POLB: variants seen among roughly 807,000 people sequenced by gnomAD.
POLB encodes the protein DNA polymerase beta, also known as 5'-dRP lyase.
POLB carries 37 observed loss-of-function variants against 52.7 expected under a neutral mutation model. The observed-to-expected ratio is 0.70, with a 90% CI of 0.54 to 0.92. The LOEUF (loss-of-function observed/expected upper bound fraction) is 0.92, where lower values mean the gene tolerates loss of function less well. Ranked by LOEUF, POLB falls within the 40% of genes least tolerant of loss-of-function variation. The pLI is 0.00. For missense variants in POLB, 313 were observed against 400.8 expected, an observed-to-expected ratio of 0.78 and a Z score of 1.87; for synonymous variants, 138 against 131.3, an observed-to-expected ratio of 1.05 and a Z score of -0.35.
At chr8:42,371,227 G>A (rs1435602661) in intron 13 of POLB, among the ~76,000 whole-genome samples, 3 of 152,094 alleles carry the variant, frequency 2.0e-5, no homozygotes, top group Non-Finnish European at 4.4e-5. Flanking sequence ...AGGTTCAAGC[G>A]ATTCTCCTGC....
chr8:42,342,119 G>T (rs915941745), intron 2 of POLB: 10 of 1,298,114 alleles, frequency 7.7e-6, no homozygotes, highest in Middle Eastern at 2.6e-4. Flanking sequence ...GAATCATTTG[G>T]TACTTTGAGG....
chr8:42,350,011 G>A lies in POLB; in HGVS notation c.266G>A (p.Arg89Gln), dbSNP rs371956560. The A allele has an allele frequency of 8.7e-6, 14 of 1,602,160 alleles. No homozygotes were observed. The highest frequency in any genetic ancestry group is 1.1e-5 in the Non-Finnish European group (13 of 1,169,868). ...AGACTTTTTTTTTTCTTAAAGATTC[G>A]GCAGGATGATACGAGTTCATCCATC... ...TGKLRKLEKIRQDDTSSSINF... is the reference protein window; with the variant it reads ...TGKLRKLEKIQQDDTSSSINF... The change falls in exon 5 of 14, where the codon CGG becomes CAG. Residue 89 changes from arginine to glutamine, a missense_variant. By Grantham distance (43) the Arg-to-Gln change is conservative (BLOSUM62 1). Around this residue, in one of 3 missense-constraint regions of POLB, gnomAD observed 246 missense variants for 297.6 expected, o/e 0.83. Transcript: ENST00000265421.
intron 6 of POLB, 135 bp downstream of exon 6, chr8:42,352,703 G>A: frequency 1.5e-6 from 1 of 652,074 alleles, no homozygotes; most frequent in Non-Finnish European, 2.8e-6. Flanking sequence ...TTTTAACTCT[G>A]TAGTACAGTA....
At chr8:42,362,954 G>T (rs1156270849) in intron 11 of POLB, among the ~76,000 whole-genome samples, 1 of 151,630 alleles carries the variant, frequency 6.6e-6, no homozygotes. Flanking sequence ...GAGAAACCCC[G>T]TCTCTGCTAA....
At chr8:42,360,715 G>A (rs977051936) in intron 9 of POLB, among the ~76,000 whole-genome samples, 3 of 151,502 alleles carry the variant, frequency 2.0e-5, no homozygotes, top group South Asian at 2.1e-4. Context: ...TATTAATTGA[G>A]TTCAACCATA....
intron 9 of POLB, 120 bp downstream of exon 9, chr8:42,357,512 G>A (rs1823393162): frequency 3.3e-6 from 2 of 614,762 alleles, no homozygotes; most frequent in Admixed American, 3.0e-5. Context: ...CTAAGACCTA[G>A]TAGTATTAGT....
intron 9 of POLB, 118 bp downstream of exon 9, chr8:42,357,510 T>A: frequency 1.6e-6 from 1 of 616,688 alleles, no homozygotes; most frequent in Non-Finnish European, 2.9e-6. Flanking sequence ...CACTAAGACC[T>A]AGTAGTATTA....
chr8:42,339,102 G>T (rs750380688), intron 2 of POLB, 33 bp downstream of exon 2: 1 of 1,517,478 alleles, frequency 6.6e-7, no homozygotes, highest in Admixed American at 1.7e-5. Context: ...GGTAGCATAC[G>T]TTCTGGGATA....
intron 11 of POLB, among the ~76,000 whole-genome samples, chr8:42,367,419 A>G (rs775531152): frequency 1.3e-5 from 2 of 152,174 alleles, no homozygotes; most frequent in Non-Finnish European, 1.5e-5. Flanking sequence ...CTAAGCCGGT[A>G]TCTGAGGGAA....
At chr8:42,345,683 AT>A (rs763637378) in intron 3 of POLB, among the ~76,000 whole-genome samples, 1 of 152,132 alleles carries the variant, frequency 6.6e-6, no homozygotes, top group Non-Finnish European at 1.5e-5. Context: ...TCCAATGAGC[AT>A]TTCCTTTTGA....
chr8:42,355,697 G>A, intron 7 of POLB, 130 bp downstream of exon 7: 1 of 612,894 alleles, frequency 1.6e-6, no homozygotes, highest in East Asian at 2.8e-5. Context: ...GAAGTGCTAA[G>A]ATTTGTGGAC....
At chr8:42,349,189 A>G in intron 4 of POLB, 99 bp downstream of exon 4, 1 of 662,956 alleles carries the variant, frequency 1.5e-6, no homozygotes, top group Non-Finnish European at 2.7e-6. Flanking sequence ...CACTGTAGTG[A>G]GACTCACAGG....
chr8:42,357,492 C>T (rs1823392238), intron 9 of POLB, 100 bp downstream of exon 9: 2 of 705,624 alleles, frequency 2.8e-6, no homozygotes, highest in Non-Finnish European at 5.1e-6. Flanking sequence ...TGTGGTACTT[C>T]ATAGACTCAC....
chr8:42,369,454 G>A, intron 12 of POLB, 119 bp downstream of exon 12: 1 of 611,250 alleles, frequency 1.6e-6, no homozygotes, highest in Non-Finnish European at 2.9e-6. Flanking sequence ...ACTCCCAAGA[G>A]CCATATGTTC....
chr8:42,338,887 G>T, intron 1 of POLB, 125 bp from the exon 2 acceptor site: 1 of 976,382 alleles, frequency 1.0e-6, no homozygotes, highest in Non-Finnish European at 1.6e-6. Context: ...GGCTGCTTTT[G>T]GTCTGGCCCT....
chr8:42,345,499 A>C (rs1173928929), intron 3 of POLB, among the ~76,000 whole-genome samples: 1 of 152,200 alleles, frequency 6.6e-6, no homozygotes, highest in Non-Finnish European at 1.5e-5. Context: ...AATTTCCACG[A>C]AGCCTTGTGT....
Position 42,349,989 on chromosome 8 carries a change from C to CT in POLB, c.262-8dup, listed in dbSNP as rs748183535. 12,829 of 1,357,666 alleles carry CT rather than the reference C, an allele frequency of 9.4e-3. No homozygotes were observed. Among genetic ancestry groups the CT allele is most frequent in the Non-Finnish European group, 0.011 (11,106 of 978,166 alleles). 84.1% of individuals were successfully genotyped at this position (1,357,666 alleles called of 1,614,324 possible). A position where few individuals can be genotyped will look rare whatever the true frequency, so the allele number is the denominator to read the frequency against. ...AAAGCATTCCTAAATCATTGTTAGACTTTTTTTTTTCTTAAAGATTCGGCA... is the reference window on the plus strand; with the variant it reads ...AAAGCATTCCTAAATCATTGTTAGACTTTTTTTTTTTCTTAAAGATTCGGCA... On this transcript the variant is annotated splice_polypyrimidine_tract_variant and intron_variant, in intron 4 of 13. Transcript: ENST00000265421.
chr8:42,342,451 C>A, intron 2 of POLB: 13 of 1,261,998 alleles, frequency 1.0e-5, no homozygotes, highest in Non-Finnish European at 1.5e-5. Context: ...AGCAATCTGA[C>A]AATTGATATC....
intron 11 of POLB, among the ~76,000 whole-genome samples, chr8:42,366,554 C>A (rs906347890): frequency 2.0e-5 from 3 of 152,074 alleles, no homozygotes; most frequent in African/African-American, 7.2e-5. Flanking sequence ...TAAAAAAATA[C>A]CGTAGTTGAG....
Sources: gnomAD v4.1 joint callset for allele counts (sites outside exome capture counted in the v4.1 genomes callset) on GRCh38, gnomAD v4.1.1 for gene constraint, gnomAD v4.1.1 regional missense constraint, MANE v1.5 for transcripts, NCBI Gene and HGNC (gene_info 2026-07-23, HGNC 2026-07-21) for gene names.